The following DGKB variants were observed in gnomAD, a reference collection of about 807,000 sequenced individuals.
DGKB encodes the protein 90 kDa diacylglycerol kinase.
DGKB carries 67 observed loss-of-function variants against 114.3 expected under a neutral mutation model. That is an observed-to-expected ratio of 0.59 (90% CI 0.48 to 0.72). The LOEUF (loss-of-function observed/expected upper bound fraction) is 0.72. Among genes scored for constraint, DGKB ranks in the 30% least tolerant of loss-of-function variants. The pLI is 0.00. For synonymous variants in DGKB, 398 were observed against 323.1 expected (o/e 1.23, Z -2.49); for missense variants, 907 against 975.2 (o/e 0.93, Z 0.93).
At chr7:14,733,332 C>T (rs1351897157) in intron 5 of DGKB, among the ~76,000 whole-genome samples, 2 of 152,176 alleles carry the variant, frequency 1.3e-5, no homozygotes, top group African/African-American at 4.8e-5. Flanking sequence ...AATATGTACA[C>T]TTGCTTTAAA....
rs1406720946 is a variant in DGKB at position 14,840,428 on chromosome 7, GAAAGTCACTTTATGA to G, written c.70+751_70+765del. On this transcript the variant is annotated intron_variant, in intron 2 of 25. Transcript: ENST00000402815. Reference sequence around the variant, plus strand: ...CCAACTGCTGTTCATATTTATAGTTGAAAGTCACTTTATGAAATAGACATATTCCTGAAAATCTAG... The same window carrying G: ...CCAACTGCTGTTCATATTTATAGTTGAATAGACATATTCCTGAAAATCTAG... 3.3e-5 allele frequency among the ~76,000 whole-genome samples: 5 copies of G among 152,012 alleles called. No individual in the cohort carries two copies. In the East Asian group the frequency reaches 5.8e-4, roughly 18 times the overall value.
In DGKB at chr7:14,657,518, G is replaced by A. The variant is rs532226616; in HGVS notation, c.1134+15411C>T. On this transcript the variant is annotated intron_variant, in intron 13 of 25. Coordinates refer to ENST00000402815, the MANE Select transcript of DGKB (RefSeq NM_001350709.2). Reference sequence around the variant, plus strand: ...CCCTGCTCTTTCAACAAAAAAGAACGTTGCATAGGCACAAACCTTTGGTAG... The same window carrying A: ...CCCTGCTCTTTCAACAAAAAAGAACATTGCATAGGCACAAACCTTTGGTAG... 7.2e-5 allele frequency among the ~76,000 whole-genome samples: 11 copies of A among 151,938 alleles called. No individual in the cohort carries two copies. In the East Asian group the frequency reaches 1.7e-3, roughly 24 times the overall value.
chr7:14,341,414 A>T (rs1209729939), intron 22 of DGKB, among the ~76,000 whole-genome samples: 1 of 151,858 alleles, frequency 6.6e-6, no homozygotes, highest in East Asian at 1.9e-4. Context: ...TAAACAAGTT[A>T]TAGTACTGTG....
intron 1 of DGKB, among the ~76,000 whole-genome samples, chr7:14,948,006 C>T (rs1004891482): frequency 2.4e-4 from 37 of 151,734 alleles, no homozygotes; most frequent in African/African-American, 7.2e-4. Flanking sequence ...CAACAGTTTA[C>T]GTGGTTGCTC....
intron 6 of DGKB, among the ~76,000 whole-genome samples, chr7:14,708,639 A>G (rs898763427): frequency 4.2e-4 from 63 of 151,786 alleles, no homozygotes; most frequent in African/African-American, 1.4e-3. Context: ...GGAACAGAAC[A>G]GAGCCCTCAG....
intron 16 of DGKB, among the ~76,000 whole-genome samples, chr7:14,611,239 T>C (rs781717652): frequency 1.8e-4 from 27 of 152,124 alleles, no homozygotes; most frequent in Non-Finnish European, 3.7e-4. Context: ...CTGTAATATA[T>C]GGTATTGCAA....
chr7:14,191,114 A>C (rs1251699643), intron 23 of DGKB: 1 of 166,184 alleles, frequency 6.0e-6, no homozygotes, highest in African/African-American at 2.4e-5. Flanking sequence ...ATACAGCCAC[A>C]TTTCAGGCTG....
intron 23 of DGKB, among the ~76,000 whole-genome samples, chr7:14,304,198 T>C (rs1253271207): frequency 6.6e-6 from 1 of 152,092 alleles, no homozygotes; most frequent in Non-Finnish European, 1.5e-5. Flanking sequence ...ATGTGTTTGC[T>C]TCAAGTTAAA....
At chr7:14,448,779 T>C (rs1006024895) in intron 21 of DGKB, among the ~76,000 whole-genome samples, 1 of 152,110 alleles carries the variant, frequency 6.6e-6, no homozygotes, top group African/African-American at 2.4e-5. Context: ...GTGGTAGAGC[T>C]GGGATTCAAA....
chr7:14,466,444 T>C (rs906424668), intron 21 of DGKB, among the ~76,000 whole-genome samples: 1 of 152,146 alleles, frequency 6.6e-6, no homozygotes, highest in Non-Finnish European at 1.5e-5. Flanking sequence ...GCAAGACCAG[T>C]TAACACCTTA....
intron 7 of DGKB, among the ~76,000 whole-genome samples, chr7:14,699,004 A>G (rs1295306490): frequency 6.6e-6 from 1 of 152,232 alleles, no homozygotes; most frequent in Middle Eastern, 3.4e-3. Flanking sequence ...TTCTACTCAA[A>G]TCTCTAATCT....
Position 14,695,478 on chromosome 7 carries a change from TTCTC to T in DGKB, c.592-1288_592-1285del, listed in dbSNP as rs1164986639. Among the ~76,000 whole-genome samples the T allele has an allele frequency of 4.3e-4, 60 of 139,046 alleles. 1 individual carries two copies. The highest frequency in any genetic ancestry group is 6.9e-4 in the Non-Finnish European group (45 of 65,256). 91.2% of individuals were successfully genotyped at this position (139,046 alleles called of 152,430 possible). A position where few individuals can be genotyped will look rare whatever the true frequency, so the allele number is the denominator to read the frequency against. ...ATTGTAATCAACCTCAAATGTTCATTTCTCTCTCTCTCTCTCTTTTTTTTTTTTT... is the reference window on the plus strand; with the variant it reads ...ATTGTAATCAACCTCAAATGTTCATTTCTCTCTCTCTCTTTTTTTTTTTTT... On this transcript the variant is annotated intron_variant, in intron 8 of 25. Coordinates refer to ENST00000402815, the MANE Select transcript of DGKB (RefSeq NM_001350709.2).
chr7:14,364,464 G>T (rs113777901), intron 21 of DGKB, among the ~76,000 whole-genome samples: 141 of 152,044 alleles, frequency 9.3e-4, no homozygotes, highest in African/African-American at 3.4e-3. Flanking sequence ...GGGAAAAGAA[G>T]AGAAAATCTG....
chr7:14,664,052 C>T (rs1389970713), intron 13 of DGKB, among the ~76,000 whole-genome samples: 2 of 151,880 alleles, frequency 1.3e-5, no homozygotes, highest in Non-Finnish European at 2.9e-5. Context: ...TTATTCATTA[C>T]TGTCAAGTAA....
At chr7:14,373,296 C>G (rs1289123922) in intron 21 of DGKB, among the ~76,000 whole-genome samples, 2 of 152,134 alleles carry the variant, frequency 1.3e-5, no homozygotes, top group Non-Finnish European at 2.9e-5. Flanking sequence ...TTAAAACATT[C>G]ACTAATGTGT....
At chr7:14,874,288 A>G (rs1324356502) in intron 1 of DGKB, among the ~76,000 whole-genome samples, 2 of 152,082 alleles carry the variant, frequency 1.3e-5, no homozygotes, top group African/African-American at 4.8e-5. Flanking sequence ...ACTTGAACTG[A>G]TTGATAATTT....
intron 25 of DGKB, among the ~76,000 whole-genome samples, chr7:14,166,973 G>T (rs1175718229): frequency 1.3e-5 from 2 of 152,116 alleles, no homozygotes; most frequent in Non-Finnish European, 2.9e-5. Context: ...ACTTTGGGAG[G>T]CCAAGGCAGG....
chr7:14,621,324 G>T, intron 15 of DGKB, 54 bp downstream of exon 15: 1 of 1,058,286 alleles, frequency 9.4e-7, no homozygotes, highest in Non-Finnish European at 1.4e-6. Flanking sequence ...CCCCTTTAGA[G>T]CCTAGAAGTA....
chr7:14,963,776 T>C (rs1034673004), intron 1 of DGKB, among the ~76,000 whole-genome samples: 1 of 152,092 alleles, frequency 6.6e-6, no homozygotes, highest in African/African-American at 2.4e-5. Flanking sequence ...TTTCTTGAGA[T>C]TTTTTGGTCT....
Sources: allele counts gnomAD v4.1 joint callset (sites outside exome capture counted in the v4.1 genomes callset), GRCh38; gene constraint gnomAD v4.1.1; transcripts MANE v1.5; gene names NCBI Gene and HGNC (gene_info 2026-07-23, HGNC 2026-07-21).